The following BCL2 variants were observed in gnomAD, a reference collection of about 807,000 sequenced individuals.
BCL2 encodes the protein apoptosis regulator Bcl-2.
Under a neutral mutation model 14.2 loss-of-function variants are expected in BCL2, and 1 was observed. The ratio of observed to expected loss-of-function variants is 0.07; its 90% CI spans 0.02 to 0.33. BCL2 has a LOEUF of 0.33. BCL2 is among the 10% of genes least tolerant of loss of function. BCL2 has a pLI of 0.99. For missense variants in BCL2, 247 were observed against 305.9 expected (o/e 0.81, Z 1.44); for synonymous variants, 151 against 137.2 (o/e 1.10, Z -0.70).
intron 2 of BCL2, among the ~76,000 whole-genome samples, chr18:63,138,414 C>T (rs575873499): frequency 2.1e-4 from 32 of 152,212 alleles, no homozygotes; most frequent in Non-Finnish European, 3.7e-4. Flanking sequence ...TTGCTTCTGT[C>T]CCCTGTGACT....
intron 2 of BCL2, among the ~76,000 whole-genome samples, chr18:63,274,629 A>G (rs1912099610): frequency 6.6e-6 from 1 of 152,124 alleles, no homozygotes; most frequent in African/African-American, 2.4e-5. Flanking sequence ...TACACTGGAT[A>G]TGCACAAAGA....
intron 2 of BCL2, among the ~76,000 whole-genome samples, chr18:63,151,821 C>T (rs1269672181): frequency 6.6e-6 from 1 of 152,076 alleles, no homozygotes; most frequent in Non-Finnish European, 1.5e-5. Flanking sequence ...AACCAAATGC[C>T]CCCCAAACAC....
At chr18:63,215,417 G>A (rs720321) in intron 2 of BCL2, among the ~76,000 whole-genome samples, 30,973 of 152,020 alleles carry the variant, frequency 0.2, 3,972 homozygotes, top group African/African-American at 0.37. Flanking sequence ...ACGCAGTCAT[G>A]AAAAAACAAA....
At chr18:63,236,923 CTCTTCATTCTGTTTT>C (rs1910852696) in intron 2 of BCL2, among the ~76,000 whole-genome samples, 1 of 152,186 alleles carries the variant, frequency 6.6e-6, no homozygotes, top group Non-Finnish European at 1.5e-5. Flanking sequence ...AAATTCTAGA[CTCTTCATTCTGTTTT>C]TCAGGATTTT....
chr18:63,140,213 TGC>T (rs1914318961), intron 2 of BCL2, among the ~76,000 whole-genome samples: 1 of 152,210 alleles, frequency 6.6e-6, no homozygotes, highest in African/African-American at 2.4e-5. Flanking sequence ...TGTAAACTGG[TGC>T]AGCCATTGTG....
chr18:63,315,032 G>A (rs1447569327), intron 2 of BCL2: 1 of 152,176 alleles, frequency 6.6e-6, no homozygotes, highest in Non-Finnish European at 1.5e-5. Context: ...AGGGGACAAT[G>A]CAGAATCCAT....
At position 63,179,903 on chromosome 18, in the gene BCL2, G is replaced by A. The variant is rs1568225916; in HGVS notation, c.586-51144C>T. Among the ~76,000 whole-genome samples the A allele has an allele frequency of 2.0e-5, 3 of 152,180 alleles. No individual in the cohort carries two copies. In the South Asian group the frequency reaches 6.2e-4, roughly 32 times the overall value. On this transcript the variant is annotated intron_variant, in intron 2 of 2. Coordinates refer to ENST00000333681, the MANE Select transcript of BCL2 (RefSeq NM_000633.3). The stretch of plus-strand genomic sequence containing the variant: ...ATGCTCGATTTCATTGCTGTTGTAA[G>A]TGTCCTTATTCTCTGATTGATCATT...
chr18:63,263,294 G>A (rs1445293448), intron 2 of BCL2, among the ~76,000 whole-genome samples: 1 of 152,186 alleles, frequency 6.6e-6, no homozygotes, highest in African/African-American at 2.4e-5. Context: ...TAACGCTTTG[G>A]GCTCAGAGTT....
chr18:63,182,549 G>C (rs941563002), intron 2 of BCL2, among the ~76,000 whole-genome samples: 5 of 152,168 alleles, frequency 3.3e-5, no homozygotes, highest in African/African-American at 1.2e-4. Flanking sequence ...GAGACCGGGG[G>C]ATGTCCACAG....
intron 2 of BCL2, among the ~76,000 whole-genome samples, chr18:63,189,081 G>T (rs1372271167): frequency 7.0e-6 from 1 of 141,924 alleles, no homozygotes; most frequent in Non-Finnish European, 1.5e-5. Flanking sequence ...AAAACTTGTA[G>T]AAGTGAAATT....
chr18:63,133,361 C>T (rs1389601507), intron 2 of BCL2, among the ~76,000 whole-genome samples: 1 of 132,906 alleles, frequency 7.5e-6, no homozygotes, highest in Non-Finnish European at 1.6e-5. Flanking sequence ...CACTGTCACT[C>T]AGGCTGGAGT....
At chr18:63,141,745 C>T (rs1047453242) in intron 2 of BCL2, among the ~76,000 whole-genome samples, 1 of 152,232 alleles carries the variant, frequency 6.6e-6, no homozygotes, top group African/African-American at 2.4e-5. Flanking sequence ...TCCTCCCCAC[C>T]CCACGCCACT....
intron 2 of BCL2, among the ~76,000 whole-genome samples, chr18:63,136,401 A>T (rs1568212690): frequency 6.6e-6 from 1 of 152,116 alleles, no homozygotes; most frequent in South Asian, 2.1e-4. Flanking sequence ...CATCAAGTAA[A>T]CCTACAGCCT....
intron 2 of BCL2, among the ~76,000 whole-genome samples, chr18:63,229,903 C>G (rs768801254): frequency 3.3e-5 from 5 of 152,096 alleles, no homozygotes; most frequent in African/African-American, 4.8e-5. Flanking sequence ...TTTGTGATTC[C>G]TTAACACACA....
chr18:63,315,754 G>A (rs1913476063), intron 2 of BCL2: 1 of 152,130 alleles, frequency 6.6e-6, no homozygotes, highest in Non-Finnish European at 1.5e-5. Context: ...TGCCTAAAAT[G>A]ACTTTTAGAT....
intron 2 of BCL2, among the ~76,000 whole-genome samples, chr18:63,150,530 C>A (rs1568216688): frequency 6.7e-6 from 1 of 148,888 alleles, no homozygotes; most frequent in Non-Finnish European, 1.5e-5. Flanking sequence ...CACTTTCTCT[C>A]CGCATTTTCT....
At chr18:63,300,185 T>C (rs1373276285) in intron 2 of BCL2, among the ~76,000 whole-genome samples, 1 of 152,136 alleles carries the variant, frequency 6.6e-6, no homozygotes, top group East Asian at 1.9e-4. Flanking sequence ...CAGAATAATT[T>C]AGATGCAGTA....
intron 2 of BCL2, among the ~76,000 whole-genome samples, chr18:63,177,770 C>T (rs944910222): frequency 6.6e-6 from 1 of 152,114 alleles, no homozygotes; most frequent in Non-Finnish European, 1.5e-5. Flanking sequence ...GAAGAAGGGG[C>T]GGAGATAGGG....
intron 2 of BCL2, among the ~76,000 whole-genome samples, chr18:63,239,592 T>C (rs888683091): frequency 6.6e-6 from 1 of 152,072 alleles, no homozygotes; most frequent in African/African-American, 2.4e-5. Flanking sequence ...AATAAAAAAT[T>C]AGCCGGGCAT....
Sources: allele counts gnomAD v4.1 joint callset (sites outside exome capture counted in the v4.1 genomes callset), GRCh38; gene constraint gnomAD v4.1.1; transcripts MANE v1.5; gene names NCBI Gene and HGNC (gene_info 2026-07-23, HGNC 2026-07-21).